The following GPC5 variants were observed in gnomAD, a reference collection of about 807,000 sequenced individuals.
GPC5 encodes the protein glypican 5.
GPC5 carries 47 observed loss-of-function variants against 53.9 expected under a neutral mutation model. The ratio of observed to expected loss-of-function variants is 0.87; its 90% confidence interval spans 0.69 to 1.11. The LOEUF is 1.11. Ranked by LOEUF, GPC5 falls within the 50% of genes most tolerant of loss-of-function variation. The pLI, the probability that GPC5 is intolerant of heterozygous loss-of-function variation, is 0.00. For missense variants in GPC5, 748 were observed against 713.1 expected, an observed-to-expected ratio of 1.05 and a Z score of -0.56; for synonymous variants, 286 against 263.3, an observed-to-expected ratio of 1.09 and a Z score of -0.84.
intron 6 of GPC5, among the ~76,000 whole-genome samples, chr13:92,042,945 C>A (rs958057461): frequency 6.6e-5 from 10 of 152,096 alleles, no homozygotes; most frequent in African/African-American, 2.4e-4. Flanking sequence ...AATGGAAATT[C>A]TAGAGTGGAA....
chr13:91,665,056 C>T (rs2035075167), intron 2 of GPC5, among the ~76,000 whole-genome samples: 1 of 152,152 alleles, frequency 6.6e-6, no homozygotes, highest in South Asian at 2.1e-4. Flanking sequence ...GTTTCAAGAA[C>T]AAATATTATT....
chr13:91,913,215 A>G (rs188460398), intron 6 of GPC5, among the ~76,000 whole-genome samples: 1 of 152,252 alleles, frequency 6.6e-6, no homozygotes, highest in East Asian at 1.9e-4. Flanking sequence ...CCTGGCCAAT[A>G]TAGTGAAACC....
intron 5 of GPC5, among the ~76,000 whole-genome samples, chr13:91,896,263 G>T (rs2039441277): frequency 6.6e-6 from 1 of 151,846 alleles, no homozygotes; most frequent in Non-Finnish European, 1.5e-5. Context: ...GGGACTACAG[G>T]CACGTGCCAC....
At chr13:92,038,049 G>A (rs1189547411) in intron 6 of GPC5, among the ~76,000 whole-genome samples, 1 of 152,030 alleles carries the variant, frequency 6.6e-6, no homozygotes, top group African/African-American at 2.4e-5. Flanking sequence ...GAAATATGAC[G>A]GCAGTGGCAC....
chr13:91,928,870 T>A (rs1027371320), intron 6 of GPC5, among the ~76,000 whole-genome samples: 24 of 152,104 alleles, frequency 1.6e-4, no homozygotes, highest in African/African-American at 5.6e-4. Flanking sequence ...CAGAAAGATG[T>A]GAAGGTGAAG....
At chr13:92,661,244 A>G (rs1886331318) in intron 7 of GPC5, among the ~76,000 whole-genome samples, 1 of 152,042 alleles carries the variant, frequency 6.6e-6, no homozygotes, top group African/African-American at 2.4e-5. Context: ...GCAGTTAGCC[A>G]TATCATGCCA....
At chr13:91,716,086 AT>A (rs932687648) in intron 3 of GPC5, among the ~76,000 whole-genome samples, 68 of 148,748 alleles carry the variant, frequency 4.6e-4, no homozygotes, top group Middle Eastern at 3.4e-3. Context: ...GCCCATCTTG[AT>A]TTTTTTTTTT....
chr13:92,777,022 CAAAAAAAAA>C (rs1243297680), intron 7 of GPC5, among the ~76,000 whole-genome samples: 10 of 26,670 alleles, frequency 3.7e-4, no homozygotes, highest in African/African-American at 1.1e-3. Flanking sequence ...GACCCTGCCT[CAAAAAAAAA>C]AAAAAAAAAA....
chr13:91,661,773 C>T (rs1369098405), intron 2 of GPC5, among the ~76,000 whole-genome samples: 1 of 152,034 alleles, frequency 6.6e-6, no homozygotes, highest in Non-Finnish European at 1.5e-5. Context: ...GTAAGGAAGC[C>T]AGCATAGCCA....
chr13:92,255,476 A>G (rs2042720678), intron 7 of GPC5, among the ~76,000 whole-genome samples: 2 of 152,178 alleles, frequency 1.3e-5, no homozygotes, highest in Admixed American at 1.3e-4. Context: ...AAATTTATGT[A>G]TCTAGATGTA....
At chr13:92,492,640 G>T (rs185913806) in intron 7 of GPC5, among the ~76,000 whole-genome samples, 21 of 152,192 alleles carry the variant, frequency 1.4e-4, no homozygotes, top group Admixed American at 3.9e-4. Context: ...TCAAAGAGAT[G>T]ATATTATAAG....
intron 6 of GPC5, among the ~76,000 whole-genome samples, chr13:92,123,795 TAAG>T (rs1189824804): frequency 1.3e-5 from 2 of 152,166 alleles, no homozygotes; most frequent in African/African-American, 2.4e-5. Flanking sequence ...AATACATACA[TAAG>T]AAACAGATAT....
At chr13:91,954,145 G>A (rs953690851) in intron 6 of GPC5, among the ~76,000 whole-genome samples, 4 of 152,080 alleles carry the variant, frequency 2.6e-5, no homozygotes, top group Admixed American at 6.6e-5. Context: ...CACTAGTAAG[G>A]TTTTGCAACC....
At chr13:91,480,433 G>C (rs1051511113) in intron 2 of GPC5, among the ~76,000 whole-genome samples, 3 of 152,206 alleles carry the variant, frequency 2.0e-5, no homozygotes, top group Non-Finnish European at 4.4e-5. Flanking sequence ...GTGAGAGGTA[G>C]TTGAGCTGCC....
intron 7 of GPC5, among the ~76,000 whole-genome samples, chr13:92,748,311 T>TTTTTTTTTATTATTA (rs535585731): frequency 7.0e-6 from 1 of 142,352 alleles, no homozygotes; most frequent in African/African-American, 2.6e-5. Context: ...TGCATTTTAT[T>TTTTTTTTTATTATTA]TTATTATTAT....
chr13:92,729,321 C>T (rs1416709013), intron 7 of GPC5, among the ~76,000 whole-genome samples: 1 of 151,284 alleles, frequency 6.6e-6, no homozygotes, highest in African/African-American at 2.4e-5. Context: ...AATGTGGTAG[C>T]CACTAACTAC....
intron 7 of GPC5, among the ~76,000 whole-genome samples, chr13:92,671,746 C>T (rs879101542): frequency 3.3e-5 from 5 of 152,152 alleles, no homozygotes; most frequent in South Asian, 4.1e-4. Context: ...TGTGAGACAA[C>T]AAAAATGGGA....
At chr13:92,551,882 C>A (rs2139017168) in intron 7 of GPC5, among the ~76,000 whole-genome samples, 1 of 151,908 alleles carries the variant, frequency 6.6e-6, no homozygotes, top group South Asian at 2.1e-4. Flanking sequence ...TTGAGACTTT[C>A]CCTGAAGGGC....
chr13:92,264,454 T>G (rs943289189), intron 7 of GPC5, among the ~76,000 whole-genome samples: 2 of 152,138 alleles, frequency 1.3e-5, no homozygotes, highest in East Asian at 3.9e-4. Context: ...TTTTCATTAG[T>G]TTTTGGGTTT....
Sources: gnomAD v4.1 joint callset for allele counts (sites outside exome capture counted in the v4.1 genomes callset) on GRCh38, gnomAD v4.1.1 for gene constraint, MANE v1.5 for transcripts, NCBI Gene and HGNC (gene_info 2026-07-23, HGNC 2026-07-21) for gene names.